The following NXPH1 variants were observed in gnomAD, a reference collection of about 807,000 sequenced individuals.
The protein encoded by NXPH1 is neurexophilin-1.
In NXPH1, 5 loss-of-function variants were observed where a neutral mutation model predicts 23.7. The ratio of observed to expected loss-of-function variants is 0.21; its 90% CI spans 0.11 to 0.44. NXPH1 has a LOEUF of 0.44. NXPH1 is among the 20% of genes least tolerant of loss of function. The pLI, the probability that NXPH1 is intolerant of heterozygous loss-of-function variation, is 0.99. For missense variants in NXPH1, 324 were observed against 321.6 expected (o/e 1.01, Z -0.06); for synonymous variants, 144 against 122.2 (o/e 1.18, Z -1.18).
intron 2 of NXPH1, among the ~76,000 whole-genome samples, chr7:8,600,520 G>A (rs1371876335): frequency 1.3e-5 from 2 of 152,144 alleles, no homozygotes; most frequent in South Asian, 2.1e-4. Context: ...GGTCAGATCT[G>A]GTTTGCAGAT....
chr7:8,743,279 T>C (rs1780397186), intron 2 of NXPH1, among the ~76,000 whole-genome samples: 1 of 152,192 alleles, frequency 6.6e-6, no homozygotes, highest in African/African-American at 2.4e-5. Context: ...TGAACAGTAA[T>C]AGATCAACAG....
intron 2 of NXPH1, among the ~76,000 whole-genome samples, chr7:8,480,871 G>A (rs1817061711): frequency 6.6e-6 from 1 of 152,110 alleles, no homozygotes; most frequent in Admixed American, 6.6e-5. Context: ...TGCAATCATG[G>A]TCCACACATT....
At chr7:8,517,154 A>G (rs551010597) in intron 2 of NXPH1, among the ~76,000 whole-genome samples, 5 of 152,252 alleles carry the variant, frequency 3.3e-5, no homozygotes, top group African/African-American at 1.2e-4. Flanking sequence ...CTAGCAAACT[A>G]GTGTGCATAG....
At chr7:8,584,704 G>A (rs1047692591) in intron 2 of NXPH1, among the ~76,000 whole-genome samples, 1 of 152,198 alleles carries the variant, frequency 6.6e-6, no homozygotes, top group Non-Finnish European at 1.5e-5. Context: ...AGTGGAATCT[G>A]GGGGATCGGA....
intron 2 of NXPH1, among the ~76,000 whole-genome samples, chr7:8,523,957 A>G (rs1476872967): frequency 1.3e-5 from 2 of 152,126 alleles, no homozygotes; most frequent in African/African-American, 4.8e-5. Flanking sequence ...CAGGAAAGCT[A>G]TCTTCAGCCG....
intron 2 of NXPH1, among the ~76,000 whole-genome samples, chr7:8,686,463 G>T (rs1583230450): frequency 6.6e-6 from 1 of 152,032 alleles, no homozygotes; most frequent in Non-Finnish European, 1.5e-5. Flanking sequence ...TATTACACTT[G>T]GATATGACCT....
At chr7:8,519,439 C>T (rs1454013944) in intron 2 of NXPH1, among the ~76,000 whole-genome samples, 3 of 152,136 alleles carry the variant, frequency 2.0e-5, no homozygotes, top group Admixed American at 6.5e-5. Flanking sequence ...TGTTTCCCAA[C>T]ATTAAAAATG....
intron 2 of NXPH1, among the ~76,000 whole-genome samples, chr7:8,585,703 A>C (rs1396162822): frequency 6.6e-6 from 1 of 152,250 alleles, no homozygotes; most frequent in Non-Finnish European, 1.5e-5. Flanking sequence ...AAAATAAAAA[A>C]GATGAATGTG....
chr7:8,493,917 T>C (rs535041022), intron 2 of NXPH1, among the ~76,000 whole-genome samples: 10 of 152,158 alleles, frequency 6.6e-5, no homozygotes, highest in African/African-American at 2.2e-4. Flanking sequence ...TGGGATGGGA[T>C]ATTTTATCAT....
intron 2 of NXPH1, among the ~76,000 whole-genome samples, chr7:8,589,995 G>A (rs919394103): frequency 6.6e-6 from 1 of 152,108 alleles, no homozygotes. Context: ...GTCAGTGCAG[G>A]CATAGAACAT....
intron 2 of NXPH1, among the ~76,000 whole-genome samples, chr7:8,450,076 C>A (rs999928169): frequency 1.3e-5 from 2 of 152,316 alleles, no homozygotes; most frequent in Middle Eastern, 3.4e-3. Context: ...AAGTACAACC[C>A]TCAGTCATCT....
At chr7:8,461,994 A>G (rs565145588) in intron 2 of NXPH1, among the ~76,000 whole-genome samples, 1 of 152,066 alleles carries the variant, frequency 6.6e-6, no homozygotes, top group African/African-American at 2.4e-5. Context: ...TTTCTTAAAA[A>G]CATTACTCTT....
chr7:8,575,050 C>T lies in NXPH1; in HGVS notation c.54+139283C>T, dbSNP rs146128364. Among the ~76,000 whole-genome samples the T allele has an allele frequency of 9.9e-4, 151 of 152,200 alleles. 1 individual carries two copies. Among genetic ancestry groups the T allele is most frequent in the African/African-American group, 3.5e-3 (145 of 41,520 alleles). ...AATCTAAAATGTAAATAGCTTCTCC[C>T]TTTTATATTATGTTTGACTCTGACA... On this transcript the variant is annotated intron_variant, in intron 2 of 2. Transcript: ENST00000405863.
intron 2 of NXPH1, among the ~76,000 whole-genome samples, chr7:8,571,448 A>G (rs1261355127): frequency 6.6e-6 from 1 of 151,918 alleles, no homozygotes; most frequent in Non-Finnish European, 1.5e-5. Context: ...GGTGGGAAAA[A>G]GAACTCATTT....
At chr7:8,734,301 G>A (rs59655278) in intron 2 of NXPH1, among the ~76,000 whole-genome samples, 28,184 of 152,094 alleles carry the variant, frequency 0.19, 2,703 homozygotes, top group East Asian at 0.32. Context: ...TTGAAGTCAG[G>A]TAGCGTGATG....
At chr7:8,498,978 G>T (rs905940700) in intron 2 of NXPH1, among the ~76,000 whole-genome samples, 1 of 152,028 alleles carries the variant, frequency 6.6e-6, no homozygotes, top group East Asian at 1.9e-4. Context: ...ATAAAGTTTG[G>T]TATTTGACAT....
intron 2 of NXPH1, among the ~76,000 whole-genome samples, chr7:8,685,818 G>T (rs113214663): frequency 2.3e-5 from 3 of 131,252 alleles, no homozygotes; most frequent in African/African-American, 8.6e-5. Flanking sequence ...ATGGTTAATA[G>T]GTTAAAAAAA....
intron 2 of NXPH1, among the ~76,000 whole-genome samples, chr7:8,448,818 GAAAAAA>G (rs34098217): frequency 1.9e-5 from 2 of 106,062 alleles, no homozygotes; most frequent in Admixed American, 2.2e-4. Flanking sequence ...TCGTCTCGGG[GAAAAAA>G]AAAAAAAAAA....
At chr7:8,634,214 C>T (rs1025230599) in intron 2 of NXPH1, among the ~76,000 whole-genome samples, 9 of 151,998 alleles carry the variant, frequency 5.9e-5, no homozygotes, top group East Asian at 1.9e-4. Context: ...ATCATGGGGG[C>T]GGGTTTTCCC....
Sources: gnomAD v4.1 joint callset for allele counts (sites outside exome capture counted in the v4.1 genomes callset) on GRCh38, gnomAD v4.1.1 for gene constraint, MANE v1.5 for transcripts, NCBI Gene and HGNC (gene_info 2026-07-23, HGNC 2026-07-21) for gene names.